PCDHGA11: variants seen among roughly 807,000 people sequenced by gnomAD.
The protein encoded by PCDHGA11 is protocadherin gamma-A11.
A neutral mutation model predicts 60.4 loss-of-function variants in PCDHGA11; 39 were observed. That is an observed-to-expected ratio of 0.65 (90% CI 0.50 to 0.84). PCDHGA11 has a LOEUF of 0.84. Among genes scored for constraint, PCDHGA11 ranks in the 40% least tolerant of loss-of-function variants. PCDHGA11 has a pLI of 0.00. For synonymous variants in PCDHGA11, 533 were observed against 510.3 expected (o/e 1.04, Z -0.60); for missense variants, 1,165 against 1,197.7 (o/e 0.97, Z 0.40).
intron 1 of PCDHGA11, chr5:141,427,931 G>C: frequency 6.3e-7 from 1 of 1,583,764 alleles, no homozygotes; most frequent in Non-Finnish European, 8.6e-7. Flanking sequence ...GGCGCATGTT[G>C]GTGGGCGACC....
chr5:141,483,811 C>A (rs1252197546), intron 1 of PCDHGA11, among the ~76,000 whole-genome samples: 1 of 152,102 alleles, frequency 6.6e-6, no homozygotes, highest in Non-Finnish European at 1.5e-5. Flanking sequence ...CTTTTTTTGG[C>A]AGCCAGTGTA....
rs1412764202 is a variant in PCDHGA11, at chr5:141,486,708, C to T, written c.2434-8099C>T. The T allele has an allele frequency of 1.2e-6, 2 of 1,614,062 alleles. No individual in the cohort carries two copies. Among genetic ancestry groups the T allele is most frequent in the Non-Finnish European group, 1.7e-6 (2 of 1,180,054 alleles). ...GCTTCCTCTTTCATCTCTCTGAACC[C>T]CCAGACAGGAGCTGTTCATGCTACT... On this transcript the variant is annotated intron_variant, in intron 1 of 3. Coordinates refer to ENST00000398587, the MANE Select transcript of PCDHGA11 (RefSeq NM_018914.3). This position sits in a 1 kb window ranked among gnomAD's most constrained non-coding sequence, Gnocchi z 5.0.
At position 141,463,796 on chromosome 5, in the gene PCDHGA11, G is replaced by A. The variant is rs139760353; in HGVS notation, c.2434-31011G>A. ...ATCCTGCACTGTCTTTTGAACAAAT[G>A]TCTAAAAGCTTTTATCACACATTTT... On this transcript the variant is annotated intron_variant, in intron 1 of 3. Coordinates refer to ENST00000398587, the MANE Select transcript of PCDHGA11 (RefSeq NM_018914.3). Among the ~76,000 whole-genome samples, 155 of 152,232 alleles carry A rather than the reference G, an allele frequency of 1.0e-3. 1 individual carries two copies. The highest frequency in any genetic ancestry group is 3.4e-3 in the African/African-American group (140 of 41,538).
intron 1 of PCDHGA11, among the ~76,000 whole-genome samples, chr5:141,492,090 C>T (rs751238997): frequency 1.4e-4 from 21 of 152,258 alleles, no homozygotes; most frequent in Admixed American, 6.5e-5. Flanking sequence ...GCACGCTTCG[C>T]CGGTCTGTAG....
chr5:141,491,742 C>T lies in PCDHGA11; in HGVS notation c.2434-3065C>T. On this transcript the variant is annotated intron_variant, in intron 1 of 3. Transcript: ENST00000398587. This position sits in a 1 kb window ranked among gnomAD's most constrained non-coding sequence, Gnocchi z 6.9. ...CGCCCCGGGCGACCCCTGGGGGCGG[C>T]ACTGGAGAAGCCGCCCGTCCTCATA... 6.3e-7 allele frequency: 1 copy of T among 1,596,114 alleles called. No individual in the cohort carries two copies. Among genetic ancestry groups the T allele is most frequent in the African/African-American group, 1.3e-5 (1 of 74,260 alleles).
At chr5:141,435,516 C>T (rs2097767967) in intron 1 of PCDHGA11, among the ~76,000 whole-genome samples, 1 of 152,058 alleles carries the variant, frequency 6.6e-6, no homozygotes, top group Non-Finnish European at 1.5e-5. Context: ...CTAATGATGA[C>T]TTTGTGGAAT....
intron 1 of PCDHGA11, among the ~76,000 whole-genome samples, chr5:141,458,412 G>A (rs2098945236): frequency 6.6e-6 from 1 of 152,034 alleles, no homozygotes; most frequent in Non-Finnish European, 1.5e-5. Context: ...ACGGAGCGGG[G>A]GTTCCAAAGC....
intron 1 of PCDHGA11, among the ~76,000 whole-genome samples, chr5:141,463,896 T>C (rs982611169): frequency 2.0e-5 from 3 of 152,192 alleles, no homozygotes; most frequent in African/African-American, 7.2e-5. Flanking sequence ...CCTTGCTTTT[T>C]GTACTAATAA....
In PCDHGA11 at chr5:141,490,081, T is replaced by A; in HGVS notation, c.2434-4726T>A. Reference sequence around the variant, plus strand: ...CACCAACGGCCAACTAGACTATTCTTTTGGAGACCACACATCTGAGGCAGT... The same window carrying A: ...CACCAACGGCCAACTAGACTATTCTATTGGAGACCACACATCTGAGGCAGT... On this transcript the variant is annotated intron_variant, in intron 1 of 3. Coordinates refer to ENST00000398587, the MANE Select transcript of PCDHGA11 (RefSeq NM_018914.3). The surrounding 1 kb of genome is among the most constrained non-coding windows in gnomAD (Gnocchi z 5.4). 3 of 1,614,216 alleles carry A rather than the reference T, an allele frequency of 1.9e-6. No homozygotes were observed. Among genetic ancestry groups the A allele is most frequent in the Non-Finnish European group, 2.5e-6 (3 of 1,180,040 alleles).
Position 141,421,270 on chromosome 5 carries a change from C to G in PCDHGA11, c.43C>G (p.Leu15Val). Reference sequence around the variant, plus strand: ...GCGCGGGGACCGCAGTCGGCTGCTGCTGCTGCTGTGCATTTTCCTGGGGAC... The same window carrying G: ...GCGCGGGGACCGCAGTCGGCTGCTGGTGCTGCTGTGCATTTTCCTGGGGAC... ...LQRGDRSRLL[L>V]LLCIFLGTLR... The change falls in exon 1 of 4, where the codon CTG (leucine) becomes GTG (valine). Residue 15 changes from leucine (L) to valine (V), a missense_variant. Transcript: ENST00000398587. The G allele has an allele frequency of 6.2e-7, 1 of 1,612,094 alleles. No homozygotes were observed. The highest frequency in any genetic ancestry group is 8.5e-7 in the Non-Finnish European group (1 of 1,179,456).
chr5:141,424,655 TTTAA>T (rs1162406206), intron 1 of PCDHGA11: 3 of 152,238 alleles, frequency 2.0e-5, no homozygotes, highest in Non-Finnish European at 4.4e-5. Flanking sequence ...GTATTTGGAC[TTTAA>T]TTAAACTGAT....
intron 3 of PCDHGA11, among the ~76,000 whole-genome samples, chr5:141,510,591 A>G (rs1050708244): frequency 6.6e-6 from 1 of 152,176 alleles, no homozygotes; most frequent in Non-Finnish European, 1.5e-5. Flanking sequence ...TACCTGACAT[A>G]CATTTTCTTA....
chr5:141,461,334 G>T (rs558562450), intron 1 of PCDHGA11, among the ~76,000 whole-genome samples: 75 of 152,166 alleles, frequency 4.9e-4, no homozygotes, highest in African/African-American at 1.7e-3. Flanking sequence ...GGCCATTCTT[G>T]CAGGACCAAG....
chr5:141,492,499 C>T (rs2099741220), intron 1 of PCDHGA11, among the ~76,000 whole-genome samples: 1 of 152,198 alleles, frequency 6.6e-6, no homozygotes. Context: ...GGCGAGGACT[C>T]CGGAGCCTCC....
intron 2 of PCDHGA11, 99 bp downstream of exon 2, chr5:141,494,964 G>A (rs2099757882): frequency 1.3e-6 from 2 of 1,594,380 alleles, no homozygotes; most frequent in Non-Finnish European, 8.5e-7. Context: ...GCTACAGATG[G>A]CTTCTCCCTC....
Position 141,477,763 on chromosome 5 carries a change from C to G in PCDHGA11, c.2434-17044C>G, listed in dbSNP as rs763322593. The G allele has an allele frequency of 6.2e-7, 1 of 1,614,012 alleles. No homozygotes were observed. Among genetic ancestry groups the G allele is most frequent in the Non-Finnish European group, 8.5e-7 (1 of 1,180,032 alleles). Reference sequence around the variant, plus strand: ...ATGGGGGCACCCCGGTCCTAGCCACCAACATCAGCGTGAACATATTTGTCA... The same window carrying G: ...ATGGGGGCACCCCGGTCCTAGCCACGAACATCAGCGTGAACATATTTGTCA... On this transcript the variant is annotated intron_variant, in intron 1 of 3. Transcript: ENST00000398587. This position sits in a 1 kb window ranked among gnomAD's most constrained non-coding sequence, Gnocchi z 4.9.
chr5:141,447,481 A>G lies in PCDHGA11; in HGVS notation c.2433+23821A>G, dbSNP rs141192758. 3.9e-3 allele frequency among the ~76,000 whole-genome samples: 591 copies of G among 152,326 alleles called. 6 individuals carry two copies. The highest frequency in any genetic ancestry group is 0.011 in the Admixed American group (170 of 15,286). ...TTTTCTTCACCATCTGTAAAACTGC[A>G]TAGAAGGAATGTTTAGGATAAAAGA... On this transcript the variant is annotated intron_variant, in intron 1 of 3. Transcript: ENST00000398587.
chr5:141,433,389 A>G (rs1157605590), intron 1 of PCDHGA11, among the ~76,000 whole-genome samples: 2 of 151,108 alleles, frequency 1.3e-5, no homozygotes, highest in African/African-American at 2.4e-5. Context: ...CTATCTATCT[A>G]TCTATCTATC....
chr5:141,426,439 G>A, intron 1 of PCDHGA11: 1 of 302,400 alleles, frequency 3.3e-6, no homozygotes, highest in Non-Finnish European at 6.5e-6. Flanking sequence ...GAACCTTGCG[G>A]AGGACATGCG....
Sources: allele counts gnomAD v4.1 joint callset (sites outside exome capture counted in the v4.1 genomes callset), GRCh38; gene constraint gnomAD v4.1.1; non-coding constraint Gnocchi (gnomAD v3.1); transcripts MANE v1.5; gene names NCBI Gene and HGNC (gene_info 2026-07-23, HGNC 2026-07-21).